PRR16: variants seen among roughly 807,000 people sequenced by gnomAD.
The protein encoded by PRR16 is proline rich 16.
A neutral mutation model predicts 18.2 loss-of-function variants in PRR16; 6 were observed. The observed-to-expected ratio is 0.33, with a 90% CI of 0.18 to 0.65. The LOEUF (loss-of-function observed/expected upper bound fraction) is 0.65, where lower values mean the gene tolerates loss of function less well. Ranked by LOEUF, PRR16 falls within the 30% of genes least tolerant of loss-of-function variation. The pLI, the probability that PRR16 is intolerant of heterozygous loss-of-function variation, is 0.74. For missense variants in PRR16, 412 were observed against 376.6 expected (o/e 1.09, Z -0.78); for synonymous variants, 151 against 147.8 (o/e 1.02, Z -0.16).
intron 1 of PRR16, among the ~76,000 whole-genome samples, chr5:120,543,637 T>C (rs1751984601): frequency 6.6e-6 from 1 of 152,242 alleles, no homozygotes; most frequent in Admixed American, 6.5e-5. Flanking sequence ...GCTAATATTT[T>C]ATTTCTATCA....
chr5:120,783,946 A>G, the PRR16 span, among the ~76,000 whole-genome samples: 1 of 152,238 alleles, frequency 6.6e-6, no homozygotes, highest in East Asian at 1.9e-4. Flanking sequence ...GCTCCCACCT[A>G]TGAACGAGAA....
At chr5:120,713,953 G>A in the PRR16 span, among the ~76,000 whole-genome samples, 2 of 151,918 alleles carry the variant, frequency 1.3e-5, no homozygotes, top group African/African-American at 4.8e-5. Context: ...ACTGTTCCCT[G>A]TTCAAAGTTT....
At chr5:120,484,353 T>C (rs1171735163) in intron 1 of PRR16, among the ~76,000 whole-genome samples, 1 of 2,336 alleles carries the variant, frequency 4.3e-4, no homozygotes, top group Admixed American at 6.6e-3. Flanking sequence ...TTGTATTACA[T>C]ATAAAATATA....
At chr5:120,676,431 T>C (rs1319304739) in intron 1 of PRR16, among the ~76,000 whole-genome samples, 4 of 152,010 alleles carry the variant, frequency 2.6e-5, no homozygotes, top group African/African-American at 9.7e-5. Context: ...CCCCTTGGTA[T>C]AGCAGAGCAG....
intron 1 of PRR16, among the ~76,000 whole-genome samples, chr5:120,523,683 CTTA>C (rs1186942052): frequency 3.3e-5 from 5 of 152,020 alleles, no homozygotes; most frequent in East Asian, 1.9e-4. Context: ...TAGTCAGTGA[CTTA>C]TTATGCTTAA....
Position 120,480,386 on chromosome 5 carries a change from C to T in PRR16, c.159+15741C>T, listed in dbSNP as rs76996960. On this transcript the variant is annotated intron_variant, in intron 1 of 1. Coordinates refer to ENST00000407149, the MANE Select transcript of PRR16 (RefSeq NM_001300783.2). Reference sequence around the variant, plus strand: ...CTCAGGTAACCTAAGATTTACTTTGCGTGAGTACTGCGTTAGCCAATAATA... The same window carrying T: ...CTCAGGTAACCTAAGATTTACTTTGTGTGAGTACTGCGTTAGCCAATAATA... Among the ~76,000 whole-genome samples the T allele has an allele frequency of 6.8e-3, 1,032 of 152,266 alleles. 16 individuals carry two copies. Among genetic ancestry groups the T allele is most frequent in the African/African-American group, 0.024 (992 of 41,550 alleles).
At chr5:120,735,669 G>GTTT in the PRR16 span, among the ~76,000 whole-genome samples, 2 of 151,688 alleles carry the variant, frequency 1.3e-5, no homozygotes. Context: ...TATTTTTGTT[G>GTTT]TTGTTGTTGT....
the PRR16 span, among the ~76,000 whole-genome samples, chr5:120,776,203 C>T: frequency 1.3e-5 from 2 of 152,084 alleles, no homozygotes; most frequent in Admixed American, 6.6e-5. Context: ...GATTTTCCCT[C>T]CCTTGTTGAA....
chr5:120,785,575 GT>G, the PRR16 span, among the ~76,000 whole-genome samples: 109 of 115,400 alleles, frequency 9.4e-4, no homozygotes, highest in African/African-American at 1.9e-3. Context: ...TGTTGTTGTT[GT>G]TTTTTTTTTT....
At chr5:120,761,815 G>A in the PRR16 span, among the ~76,000 whole-genome samples, 4 of 151,856 alleles carry the variant, frequency 2.6e-5, no homozygotes, top group Admixed American at 6.6e-5. Flanking sequence ...GAATTTATTC[G>A]TTCTGTCTAA....
chr5:120,764,912 C>T, the PRR16 span, among the ~76,000 whole-genome samples: 1 of 151,986 alleles, frequency 6.6e-6, no homozygotes, highest in African/African-American at 2.4e-5. Context: ...AAACCTCCCC[C>T]CAAATTTGCA....
At chr5:120,568,671 A>T (rs765661407) in intron 1 of PRR16, among the ~76,000 whole-genome samples, 2 of 152,104 alleles carry the variant, frequency 1.3e-5, no homozygotes, top group Non-Finnish European at 2.9e-5. Context: ...TTTTGTAGTG[A>T]ACAGGGTAAT....
intron 1 of PRR16, among the ~76,000 whole-genome samples, chr5:120,619,534 T>A (rs1754620141): frequency 6.6e-6 from 1 of 152,076 alleles, no homozygotes. Context: ...ACATCATAGG[T>A]TAATCGACTA....
chr5:120,487,032 C>G (rs1374260678), intron 1 of PRR16, among the ~76,000 whole-genome samples: 2 of 152,104 alleles, frequency 1.3e-5, no homozygotes, highest in Admixed American at 1.3e-4. Context: ...CAGTACCATG[C>G]TGTTTTGGTT....
At chr5:120,488,619 T>C (rs1202899972) in intron 1 of PRR16, among the ~76,000 whole-genome samples, 1 of 152,202 alleles carries the variant, frequency 6.6e-6, no homozygotes, top group Non-Finnish European at 1.5e-5. Flanking sequence ...TCATTGATTT[T>C]TTGAAGGGTT....
chr5:120,535,200 G>T (rs996989216), intron 1 of PRR16, among the ~76,000 whole-genome samples: 1 of 152,028 alleles, frequency 6.6e-6, no homozygotes, highest in Non-Finnish European at 1.5e-5. Flanking sequence ...TATTTACTGA[G>T]TATCGTCATG....
the PRR16 span, among the ~76,000 whole-genome samples, chr5:120,763,267 C>G: frequency 6.6e-6 from 1 of 152,030 alleles, no homozygotes; most frequent in African/African-American, 2.4e-5. Flanking sequence ...CCTCAGCCTC[C>G]CAAGTAAGTG....
chr5:120,650,738 T>G (rs1005596596), intron 1 of PRR16, among the ~76,000 whole-genome samples: 5 of 152,114 alleles, frequency 3.3e-5, no homozygotes, highest in Non-Finnish European at 5.9e-5. Flanking sequence ...TGTTGGACAT[T>G]TGGGTTGGTT....
At chr5:120,791,331 CAT>C in the PRR16 span, among the ~76,000 whole-genome samples, 1 of 151,968 alleles carries the variant, frequency 6.6e-6, no homozygotes, top group African/African-American at 2.4e-5. Context: ...CTCTGAAAAA[CAT>C]GGTATATTTT....
Sources: allele counts gnomAD v4.1 joint callset (sites outside exome capture counted in the v4.1 genomes callset), GRCh38; gene constraint gnomAD v4.1.1; transcripts MANE v1.5; gene names NCBI Gene and HGNC (gene_info 2026-07-23, HGNC 2026-07-21).